The following NAV3 variants were observed in gnomAD, a reference collection of about 807,000 sequenced individuals.
NAV3 encodes neuron navigator 3, also known as pore membrane and/or filament interacting like protein 1.
Under a neutral mutation model 244.7 loss-of-function variants are expected in NAV3, and 87 were observed. The ratio of observed to expected loss-of-function variants is 0.36; its 90% CI spans 0.30 to 0.42. NAV3 has a LOEUF of 0.42. NAV3 is among the 20% of genes least tolerant of loss of function. The pLI, the probability that NAV3 is intolerant of heterozygous loss-of-function variation, is 1.00. For synonymous variants in NAV3, 1,126 were observed against 1,042.2 expected (o/e 1.08, Z -1.55); for missense variants, 2,663 against 2,893.3 (o/e 0.92, Z 1.83).
At chr12:77,744,569 G>A (rs1444754735) in intron 2 of NAV3, among the ~76,000 whole-genome samples, 1 of 151,890 alleles carries the variant, frequency 6.6e-6, no homozygotes, top group Non-Finnish European at 1.5e-5. Context: ...TTCTGAACAG[G>A]AAGTAGAGGG....
chr12:78,037,640 G>A (rs867640765), intron 9 of NAV3, among the ~76,000 whole-genome samples: 48 of 152,040 alleles, frequency 3.2e-4, no homozygotes, highest in African/African-American at 1.1e-3. Flanking sequence ...GGCATTATTA[G>A]CCTCACCTAG....
At chr12:77,758,174 C>T (rs1254264508) in intron 2 of NAV3, among the ~76,000 whole-genome samples, 1 of 152,176 alleles carries the variant, frequency 6.6e-6, no homozygotes, top group African/African-American at 2.4e-5. Flanking sequence ...TGTGACCATT[C>T]TACTTAAGAT....
intron 34 of NAV3, among the ~76,000 whole-genome samples, chr12:78,192,287 T>C (rs999431114): frequency 1.1e-4 from 16 of 152,134 alleles, no homozygotes; most frequent in African/African-American, 3.6e-4. Flanking sequence ...CAGTACTTCA[T>C]TGCAAAATAA....
chr12:78,092,768 G>C (rs1954028518), intron 12 of NAV3, among the ~76,000 whole-genome samples: 1 of 151,976 alleles, frequency 6.6e-6, no homozygotes, highest in South Asian at 2.1e-4. Context: ...CCAAAGTGCT[G>C]GGATTACAGG....
At chr12:78,095,610 G>C (rs747077649) in intron 12 of NAV3, among the ~76,000 whole-genome samples, 22 of 152,192 alleles carry the variant, frequency 1.4e-4, no homozygotes, top group Non-Finnish European at 2.4e-4. Context: ...TACCAGTTAG[G>C]AGAGTACAGC....
intron 19 of NAV3, among the ~76,000 whole-genome samples, chr12:78,137,582 G>T (rs549932575): frequency 6.6e-6 from 1 of 151,994 alleles, no homozygotes; most frequent in African/African-American, 2.4e-5. Context: ...TTAATACTTG[G>T]CTGTAGAAGA....
Position 78,137,268 on chromosome 12 carries a change from C to G in NAV3, c.4533C>G (p.Leu1511=). Residue 1511 remains leucine, a synonymous_variant, in exon 19 of 40, where the codon CTC becomes CTG. Transcript: ENST00000397909. The part of the protein sequence containing the change: ...SIPAQDSSFD[L]YDDSQLCGSA... ...CAGCCCAAGACTCTTCCTTCGATCT[C>G]TATGATGACTCCCAGCTTTGTGGGA... 4.3e-6 allele frequency: 7 copies of G among 1,613,780 alleles called. No homozygotes were observed. The African/African-American group carries it at 9.3e-5, about 22-fold the overall frequency.
intron 2 of NAV3, among the ~76,000 whole-genome samples, chr12:77,781,034 C>T (rs184865562): frequency 1.3e-4 from 20 of 152,238 alleles, no homozygotes; most frequent in Admixed American, 4.6e-4. Context: ...AATAACCACA[C>T]ATTTATTGGC....
intron 13 of NAV3, 83 bp downstream of exon 13, chr12:78,116,987 C>A (rs1955415540): frequency 6.9e-7 from 1 of 1,453,386 alleles, no homozygotes; most frequent in Non-Finnish European, 9.4e-7. Flanking sequence ...AGGTATAGCA[C>A]AAGCCCTTAA....
chr12:77,983,165 G>A (rs894730367), intron 5 of NAV3, among the ~76,000 whole-genome samples: 2 of 152,172 alleles, frequency 1.3e-5, no homozygotes, highest in Admixed American at 1.3e-4. Flanking sequence ...ATTGCTTTGA[G>A]AAATTTTTAC....
chr12:77,694,725 T>C (rs138379615), intron 2 of NAV3, among the ~76,000 whole-genome samples: 2 of 152,278 alleles, frequency 1.3e-5, no homozygotes, highest in East Asian at 3.9e-4. Flanking sequence ...TTGGACCTAT[T>C]GTGAACAATG....
chr12:78,074,306 G>A (rs576428838), intron 12 of NAV3, among the ~76,000 whole-genome samples: 2 of 152,328 alleles, frequency 1.3e-5, no homozygotes, highest in East Asian at 3.9e-4. Context: ...TTATAAGATT[G>A]ACATACAACT....
intron 18 of NAV3, among the ~76,000 whole-genome samples, chr12:78,129,922 A>G (rs1011886411): frequency 3.9e-5 from 6 of 152,342 alleles, no homozygotes; most frequent in African/African-American, 1.4e-4. Flanking sequence ...AAAATTAGTA[A>G]TAGAAAACAC....
intron 2 of NAV3, among the ~76,000 whole-genome samples, chr12:77,654,197 T>G (rs2137002634): frequency 6.6e-6 from 1 of 152,304 alleles, no homozygotes; most frequent in Middle Eastern, 3.4e-3. Context: ...TTCCCTTTCC[T>G]AGTCAAAGAA....
At chr12:78,108,546 C>A (rs1954923345) in intron 12 of NAV3, among the ~76,000 whole-genome samples, 1 of 152,068 alleles carries the variant, frequency 6.6e-6, no homozygotes, top group Non-Finnish European at 1.5e-5. Context: ...GATAGACCAC[C>A]ATATGTTAGG....
At chr12:78,041,423 A>G (rs1187158023) in intron 9 of NAV3, among the ~76,000 whole-genome samples, 1 of 152,212 alleles carries the variant, frequency 6.6e-6, no homozygotes, top group Non-Finnish European at 1.5e-5. Context: ...CCTGAAAAAT[A>G]TAGTAAAGGA....
At chr12:77,750,362 A>G (rs959579238) in intron 2 of NAV3, among the ~76,000 whole-genome samples, 4 of 151,950 alleles carry the variant, frequency 2.6e-5, no homozygotes, top group Admixed American at 6.6e-5. Context: ...CAAAACAACA[A>G]CAACAAAAAT....
At chr12:78,055,125 A>G (rs1883293660) in intron 11 of NAV3, among the ~76,000 whole-genome samples, 1 of 152,164 alleles carries the variant, frequency 6.6e-6, no homozygotes, top group Admixed American at 6.5e-5. Context: ...TTCAGTAGTG[A>G]ATAATATAGA....
intron 5 of NAV3, among the ~76,000 whole-genome samples, chr12:77,986,871 G>GA (rs539963630): frequency 2.6e-4 from 40 of 151,990 alleles, no homozygotes; most frequent in African/African-American, 9.2e-4. Context: ...GGAATTAGTA[G>GA]AAAAAAAATG....
Sources: allele counts gnomAD v4.1 joint callset (sites outside exome capture counted in the v4.1 genomes callset), GRCh38; gene constraint gnomAD v4.1.1; transcripts MANE v1.5; gene names NCBI Gene and HGNC (gene_info 2026-07-23, HGNC 2026-07-21).